Variants in SCAI observed in about 807,000 individuals in gnomAD.
SCAI encodes the protein suppressor of cancer cell invasion.
A neutral mutation model predicts 92.2 loss-of-function variants in SCAI; 24 were observed. The ratio of observed to expected loss-of-function variants is 0.26; its 90% CI spans 0.19 to 0.37. The LOEUF is 0.37. Among genes scored for constraint, SCAI ranks in the 10% least tolerant of loss-of-function variants. SCAI has a pLI of 1.00. For missense variants in SCAI, 450 were observed against 736.2 expected (o/e 0.61, Z 4.50); for synonymous variants, 261 against 258.6 (o/e 1.01, Z -0.09).
intron 2 of SCAI, among the ~76,000 whole-genome samples, chr9:125,132,542 G>A (rs1034263505): frequency 6.6e-6 from 1 of 152,124 alleles, no homozygotes. Flanking sequence ...TTGCTTCTCT[G>A]CAAAACACCC....
At position 124,944,999 on chromosome 9, in the gene SCAI, A is replaced by C. The variant is rs1261814171; in HGVS notation, c.*7808T>G. ...CTATTAGCTTTCATTCCATAAGCCTAGGAGAAAAGTATAAAACCTAAAATT... is the reference window on the plus strand; with the variant it reads ...CTATTAGCTTTCATTCCATAAGCCTCGGAGAAAAGTATAAAACCTAAAATT... On this transcript the variant is annotated 3_prime_UTR_variant, in exon 18 of 18. Coordinates refer to ENST00000336505, the MANE Select transcript of SCAI (RefSeq NM_001144877.3). 1 of 152,192 alleles carries C rather than the reference A, an allele frequency of 6.6e-6. No individual in the cohort carries two copies. The highest frequency in any genetic ancestry group is 1.5e-5 in the Non-Finnish European group (1 of 68,014). The allele number at this position is 152,192 out of a possible 1,614,324, so 9.4% of individuals were successfully genotyped here. A position where few individuals can be genotyped will look rare whatever the true frequency, so the allele number is the denominator to read the frequency against.
intron 3 of SCAI, among the ~76,000 whole-genome samples, chr9:125,038,592 T>C (rs183680647): frequency 1.3e-5 from 2 of 152,384 alleles, no homozygotes; most frequent in Non-Finnish European, 2.9e-5. Flanking sequence ...ATCTTTACTT[T>C]TTCCATTACA....
chr9:124,954,301 C>T (rs1173578264), intron 17 of SCAI, among the ~76,000 whole-genome samples: 1 of 152,166 alleles, frequency 6.6e-6, no homozygotes, highest in Non-Finnish European at 1.5e-5. Context: ...GCAGAATACA[C>T]TGAATTCTTT....
At chr9:125,131,599 G>T (rs1835402839) in intron 2 of SCAI, among the ~76,000 whole-genome samples, 1 of 151,908 alleles carries the variant, frequency 6.6e-6, no homozygotes, top group South Asian at 2.1e-4. Flanking sequence ...ACTCTTCTAG[G>T]TTTCATTCTT....
intron 2 of SCAI, among the ~76,000 whole-genome samples, chr9:125,086,157 G>T (rs1464008297): frequency 6.6e-6 from 1 of 152,108 alleles, no homozygotes; most frequent in Non-Finnish European, 1.5e-5. Flanking sequence ...AGTTATTTGT[G>T]TACACTCGTC....
intron 14 of SCAI, among the ~76,000 whole-genome samples, chr9:124,986,110 T>C (rs1831985442): frequency 6.6e-6 from 1 of 151,866 alleles, no homozygotes. Flanking sequence ...GCTAACATGG[T>C]GAAACCCCAT....
At chr9:124,974,439 C>A (rs1277883446) in intron 15 of SCAI, among the ~76,000 whole-genome samples, 5 of 142,282 alleles carry the variant, frequency 3.5e-5, no homozygotes, top group African/African-American at 1.3e-4. Context: ...CAGAGTGAGA[C>A]CCCATCTCAA....
intron 9 of SCAI, among the ~76,000 whole-genome samples, chr9:125,010,252 G>A (rs1210210350): frequency 6.6e-6 from 1 of 152,236 alleles, no homozygotes; most frequent in Non-Finnish European, 1.5e-5. Flanking sequence ...GGAAGCGCAA[G>A]GGGTCAGGGA....
intron 2 of SCAI, among the ~76,000 whole-genome samples, chr9:125,078,746 A>G (rs527553633): frequency 6.4e-4 from 98 of 152,208 alleles, no homozygotes; most frequent in African/African-American, 2.0e-3. Context: ...TGAGACTCCT[A>G]TAAAAAATCT....
intron 2 of SCAI, among the ~76,000 whole-genome samples, chr9:125,079,259 A>G (rs1246823363): frequency 6.6e-6 from 1 of 152,160 alleles, no homozygotes. Context: ...TCCCCCCATC[A>G]TTAGTTATGT....
At chr9:125,119,337 T>C (rs887500442) in intron 2 of SCAI, among the ~76,000 whole-genome samples, 5 of 152,206 alleles carry the variant, frequency 3.3e-5, no homozygotes, top group Admixed American at 2.6e-4. Context: ...CTTATTAACA[T>C]GCACACAACC....
chr9:125,007,089 A>C (rs1043113188), intron 9 of SCAI, among the ~76,000 whole-genome samples: 3 of 152,172 alleles, frequency 2.0e-5, no homozygotes, highest in Non-Finnish European at 4.4e-5. Flanking sequence ...ACTGCATGCT[A>C]GCCTGGGTGA....
At chr9:125,061,220 C>A (rs1833762386) in intron 2 of SCAI, among the ~76,000 whole-genome samples, 1 of 152,274 alleles carries the variant, frequency 6.6e-6, no homozygotes, top group African/African-American at 2.4e-5. Context: ...TGGCATGAAC[C>A]CAGGAGGCGG....
chr9:124,970,583 G>T (rs968735008), intron 17 of SCAI, among the ~76,000 whole-genome samples: 11 of 151,848 alleles, frequency 7.2e-5, no homozygotes, highest in African/African-American at 2.2e-4. Flanking sequence ...AGCCAGGTGT[G>T]GTGGTGGGCG....
intron 2 of SCAI, among the ~76,000 whole-genome samples, chr9:125,131,827 A>G (rs187914690): frequency 2.0e-5 from 3 of 152,292 alleles, no homozygotes; most frequent in East Asian, 1.9e-4. Flanking sequence ...CCTGTGTTTC[A>G]GTGTAGATTA....
chr9:124,974,040 C>T (rs1444490016), intron 15 of SCAI: 2 of 243,782 alleles, frequency 8.2e-6, no homozygotes, highest in Non-Finnish European at 8.4e-6. Context: ...CGTCCATTTG[C>T]AGGCATCCTC....
rs558481737 is a variant in SCAI, at chr9:124,978,024, T to C, written c.1327-1838A>G. ...TATGATTAACTATGATTGATAAACC[T>C]AGTTACATAAAAATCAAAAGCTTAT... On this transcript the variant is annotated intron_variant, in intron 14 of 17. Coordinates refer to ENST00000336505, the MANE Select transcript of SCAI (RefSeq NM_001144877.3). Among the ~76,000 whole-genome samples the C allele has an allele frequency of 8.7e-4, 132 of 152,342 alleles. 2 individuals are homozygous for C. The highest frequency in any genetic ancestry group is 2.9e-3 in the African/African-American group (119 of 41,588).
chr9:125,018,750 A>C (rs777991661), intron 9 of SCAI, 49 bp downstream of exon 9: 19 of 1,455,038 alleles, frequency 1.3e-5, no homozygotes, highest in Non-Finnish European at 1.8e-5. Flanking sequence ...CATCAATAGC[A>C]CTATTTTTCA....
At chr9:125,006,277 G>A (rs552302082) in intron 9 of SCAI, among the ~76,000 whole-genome samples, 4 of 152,064 alleles carry the variant, frequency 2.6e-5, no homozygotes, top group African/African-American at 7.2e-5. Context: ...GCACTTTGGA[G>A]GGCCAAGGTG....
Sources: allele counts gnomAD v4.1 joint callset (sites outside exome capture counted in the v4.1 genomes callset), GRCh38; gene constraint gnomAD v4.1.1; transcripts MANE v1.5; gene names NCBI Gene and HGNC (gene_info 2026-07-23, HGNC 2026-07-21).